Variants in UGGT1 observed in about 807,000 individuals in gnomAD.
UGGT1 encodes the protein UDP-glucose glycoprotein glucosyltransferase 1.
UGGT1 carries 107 observed loss-of-function variants against 203.9 expected under a neutral mutation model. The ratio of observed to expected loss-of-function variants is 0.52; its 90% CI spans 0.45 to 0.62. The LOEUF (loss-of-function observed/expected upper bound fraction) is 0.62. Ranked by LOEUF, UGGT1 falls within the 20% of genes least tolerant of loss-of-function variation. The pLI is 0.00. For missense variants in UGGT1, 1,673 were observed against 1,867.2 expected (o/e 0.90, Z 1.92); for synonymous variants, 628 against 653.5 (o/e 0.96, Z 0.59).
chr2:128,133,336 G>A, intron 14 of UGGT1, 76 bp downstream of exon 14: 1 of 1,564,012 alleles, frequency 6.4e-7, no homozygotes, highest in Admixed American at 1.7e-5. Context: ...CATGTAGAAT[G>A]GTCACTTCTC....
At chr2:128,123,356 T>C in intron 11 of UGGT1, 110 bp downstream of exon 11, 3 of 939,770 alleles carry the variant, frequency 3.2e-6, no homozygotes, top group South Asian at 1.8e-5. Context: ...TTATCTAAGA[T>C]GGTGATTTTT....
chr2:128,098,993 T>C (rs1687243973), intron 2 of UGGT1, among the ~76,000 whole-genome samples: 1 of 152,152 alleles, frequency 6.6e-6, no homozygotes, highest in African/African-American at 2.4e-5. Context: ...GAGGTGGAAC[T>C]AGCAGAGACT....
In UGGT1 at chr2:128,172,678, C is replaced by T; in HGVS notation, c.3210C>T (p.Phe1070=). Residue 1070 remains phenylalanine (F), a synonymous_variant, in exon 29 of 41, where the codon TTC becomes TTT. Coordinates refer to ENST00000259253, the MANE Select transcript of UGGT1 (RefSeq NM_020120.4). ...KFLDMPQSPL[F]TLNLNTPESW... ...TGGATATGCCTCAGTCTCCACTGTTCACTCTGAATTTGAACACACCTGAGA... is the reference window on the plus strand; with the variant it reads ...TGGATATGCCTCAGTCTCCACTGTTTACTCTGAATTTGAACACACCTGAGA... 1.2e-6 allele frequency: 2 copies of T among 1,614,130 alleles called. No homozygotes were observed. The highest frequency in any genetic ancestry group is 1.7e-6 in the Non-Finnish European group (2 of 1,180,008).
intron 30 of UGGT1, among the ~76,000 whole-genome samples, chr2:128,174,474 CT>C (rs1691275373): frequency 6.6e-6 from 1 of 151,784 alleles, no homozygotes; most frequent in Non-Finnish European, 1.5e-5. Flanking sequence ...AATTTTTGTC[CT>C]TTTTTAGTAG....
chr2:128,137,473 T>C (rs1689182652), intron 15 of UGGT1, among the ~76,000 whole-genome samples: 1 of 152,236 alleles, frequency 6.6e-6, no homozygotes, highest in Non-Finnish European at 1.5e-5. Flanking sequence ...GATGGTTGTT[T>C]TGCAAAGATT....
chr2:128,115,502 A>C (rs944720740), intron 7 of UGGT1, among the ~76,000 whole-genome samples: 3 of 140,520 alleles, frequency 2.1e-5, no homozygotes, highest in East Asian at 2.1e-4. Flanking sequence ...AAAAAAAAAA[A>C]AAACAAAAAC....
intron 11 of UGGT1, among the ~76,000 whole-genome samples, 156 bp from the exon 12 acceptor site, chr2:128,127,203 CCT>C (rs1688646696): frequency 6.6e-6 from 1 of 152,030 alleles, no homozygotes; most frequent in African/African-American, 2.4e-5. Flanking sequence ...GGTATTATCC[CCT>C]GTCTTACTTG....
intron 37 of UGGT1, among the ~76,000 whole-genome samples, chr2:128,182,588 A>G (rs980118826): frequency 6.6e-6 from 1 of 150,988 alleles, no homozygotes; most frequent in Non-Finnish European, 1.5e-5. Flanking sequence ...AATCCCAGCT[A>G]CTCGGGAGGC....
chr2:128,154,479 T>C (rs1690132143), intron 19 of UGGT1, among the ~76,000 whole-genome samples: 1 of 152,196 alleles, frequency 6.6e-6, no homozygotes, highest in African/African-American at 2.4e-5. Flanking sequence ...CTGGTGGTGG[T>C]GGCATTGTCA....
intron 31 of UGGT1, among the ~76,000 whole-genome samples, chr2:128,175,936 T>C (rs922945694): frequency 6.6e-6 from 1 of 152,254 alleles, no homozygotes; most frequent in African/African-American, 2.4e-5. Flanking sequence ...TTGCTGTTGA[T>C]TAGTAGGGAA....
At chr2:128,185,519 G>T (rs1484551332) in intron 38 of UGGT1, among the ~76,000 whole-genome samples, 4 of 145,638 alleles carry the variant, frequency 2.7e-5, no homozygotes, top group Non-Finnish European at 6.0e-5. Context: ...TGTCACCCAG[G>T]CTGGAGTGCA....
intron 15 of UGGT1, among the ~76,000 whole-genome samples, chr2:128,135,723 CTACTG>C (rs1416989888): frequency 6.6e-6 from 1 of 152,076 alleles, no homozygotes; most frequent in Non-Finnish European, 1.5e-5. Context: ...AGGTTATGTC[CTACTG>C]GTTAGTTATA....
chr2:128,125,556 C>A (rs1688562938), intron 11 of UGGT1, among the ~76,000 whole-genome samples: 1 of 152,064 alleles, frequency 6.6e-6, no homozygotes, highest in Non-Finnish European at 1.5e-5. Flanking sequence ...AATTTGGTGG[C>A]CTTTTTCTTT....
chr2:128,138,573 T>TA, intron 15 of UGGT1, 144 bp from the exon 16 acceptor site: 1 of 904,532 alleles, frequency 1.1e-6, no homozygotes, highest in South Asian at 1.8e-5. Context: ...CATGTTAGAG[T>TA]AGAGTAGGCT....
chr2:128,126,584 C>G (rs1182216381), intron 11 of UGGT1, among the ~76,000 whole-genome samples: 1 of 151,894 alleles, frequency 6.6e-6, no homozygotes, highest in African/African-American at 2.4e-5. Flanking sequence ...CACACAAATT[C>G]TCAGTCATTC....
At position 128,160,552 on chromosome 2, in the gene UGGT1, G is replaced by A; in HGVS notation, c.2655G>A (p.Lys885=). ...SHAVYCRDVL[K]LKKGQRAVIS... is the part of the protein sequence containing the mutation. ...CCGTGTACTGCAGGGATGTTCTGAA[G>A]CTGAAGAAGGGACAGAGGGCAGTGA... The change falls in exon 24 of 41, where the codon AAG becomes AAA. Residue 885 remains lysine, a synonymous_variant. Transcript: ENST00000259253. The A allele has an allele frequency of 6.2e-7, 1 of 1,613,474 alleles. No homozygotes were observed. Among genetic ancestry groups the A allele is most frequent in the Non-Finnish European group, 8.5e-7 (1 of 1,179,808 alleles).
At chr2:128,183,931 T>TGG in intron 38 of UGGT1, 142 bp downstream of exon 38, 1 of 559,594 alleles carries the variant, frequency 1.8e-6, no homozygotes, top group Non-Finnish European at 3.2e-6. Flanking sequence ...TGTGTGTGTG[T>TGG]GTGTGTGAGA....
At chr2:128,094,131 C>G (rs1446084851) in intron 1 of UGGT1, among the ~76,000 whole-genome samples, 1 of 152,150 alleles carries the variant, frequency 6.6e-6, no homozygotes, top group African/African-American at 2.4e-5. Flanking sequence ...TCACCACTTT[C>G]TGGGGTGTAC....
rs752890766 is a variant in UGGT1 at position 128,176,817 on chromosome 2, C to T, written c.3543C>T (p.His1181=). The change falls in exon 32 of 41, where the codon CAC becomes CAT. Residue 1181 remains histidine (H), a synonymous_variant. Transcript: ENST00000259253. ...TGATCTTTCTTTTCTCGCAAAGCCA[C>T]GATGGCACTGATTCTCCCCCTGATG... ...RSEDIYRIYS[H]DGTDSPPDAD... 7 of 1,613,664 alleles carry T rather than the reference C, an allele frequency of 4.3e-6. No individual in the cohort carries two copies. The highest frequency in any genetic ancestry group is 4.0e-5 in the African/African-American group (3 of 74,904).
Sources: gnomAD v4.1 joint callset for allele counts (sites outside exome capture counted in the v4.1 genomes callset) on GRCh38, gnomAD v4.1.1 for gene constraint, MANE v1.5 for transcripts, NCBI Gene and HGNC (gene_info 2026-07-23, HGNC 2026-07-21) for gene names.